The following IQCF1 variants were observed in gnomAD, a reference collection of about 807,000 sequenced individuals.
IQCF1 encodes IQ domain-containing protein F1.
A neutral mutation model predicts 12.5 loss-of-function variants in IQCF1; 9 were observed. The observed-to-expected ratio is 0.72, with a 90% CI of 0.43 to 1.26. The LOEUF (loss-of-function observed/expected upper bound fraction) is 1.26, where lower values mean the gene tolerates loss of function less well. Ranked by LOEUF, IQCF1 falls within the 50% of genes most tolerant of loss-of-function variation. IQCF1 has a pLI of 0.00. For missense variants in IQCF1, 252 were observed against 257.4 expected (o/e 0.98, Z 0.14); for synonymous variants, 67 against 96.2 (o/e 0.70, Z 1.78).
intron 2 of IQCF1, among the ~76,000 whole-genome samples, chr3:51,897,647 A>T (rs1196839788): frequency 6.6e-6 from 1 of 152,204 alleles, no homozygotes; most frequent in Non-Finnish European, 1.5e-5. Flanking sequence ...CTGCGGCAAC[A>T]ACTCTGTGCA....
intron 2 of IQCF1, among the ~76,000 whole-genome samples, chr3:51,898,230 A>C (rs931884287): frequency 3.0e-5 from 4 of 135,244 alleles, no homozygotes. Flanking sequence ...GAGAGAGAGA[A>C]AGAGACAGAA....
intron 1 of IQCF1, 32 bp from the exon 2 acceptor site, chr3:51,903,121 G>A: frequency 6.2e-7 from 1 of 1,607,492 alleles, no homozygotes; most frequent in African/African-American, 1.3e-5. Flanking sequence ...AGGCAAGAGT[G>A]AGGCTGCGGT....
intron 2 of IQCF1, among the ~76,000 whole-genome samples, chr3:51,899,833 T>G (rs1457617209): frequency 6.6e-6 from 1 of 152,132 alleles, no homozygotes; most frequent in Non-Finnish European, 1.5e-5. Flanking sequence ...ATAACACACT[T>G]AATATAAAGG....
In IQCF1 at chr3:51,900,790, C is replaced by T. The variant is rs1043654910; in HGVS notation, c.108+2195G>A. Among the ~76,000 whole-genome samples, 1 of 152,238 alleles carries T rather than the reference C, an allele frequency of 6.6e-6. No individual in the cohort carries two copies. On this transcript the variant is annotated intron_variant, in intron 2 of 3. Coordinates refer to ENST00000310914, the MANE Select transcript of IQCF1 (RefSeq NM_152397.3). This position sits in a 1 kb window ranked among gnomAD's most constrained non-coding sequence, Gnocchi z 4.2. ...CCACTAACTGTCAGCTAAACCAGTGCAATCCTATACAGGTTATTACCTTGA... is the reference window on the plus strand; with the variant it reads ...CCACTAACTGTCAGCTAAACCAGTGTAATCCTATACAGGTTATTACCTTGA...
At position 51,900,206 on chromosome 3, in the gene IQCF1, T is replaced by TGCTG. The variant is rs1472872660; in HGVS notation, c.108+2775_108+2778dup. 2.1e-5 allele frequency among the ~76,000 whole-genome samples: 3 copies of TGCTG among 140,994 alleles called. No homozygotes were observed. In the East Asian group the frequency reaches 6.4e-4, roughly 30 times the overall value. 92.5% of individuals were successfully genotyped at this position (140,994 alleles called of 152,430 possible). On this transcript the variant is annotated intron_variant, in intron 2 of 3. Transcript: ENST00000310914. The surrounding 1 kb of genome is among the most constrained non-coding windows in gnomAD (Gnocchi z 4.2). ...CCAGCCTGGCAAGGACTCTACCCTG[T>TGCTG]GCTGCTAACCACCGAGACTGCTGTT...
At chr3:51,899,047 T>TA (rs1333362403) in intron 2 of IQCF1, among the ~76,000 whole-genome samples, 1 of 152,190 alleles carries the variant, frequency 6.6e-6, no homozygotes, top group East Asian at 1.9e-4. Context: ...ATCCCAAACT[T>TA]ACAAGGTTTT....
chr3:51,897,981 C>T (rs1486508911), intron 2 of IQCF1, among the ~76,000 whole-genome samples: 1 of 152,118 alleles, frequency 6.6e-6, no homozygotes, highest in Non-Finnish European at 1.5e-5. Flanking sequence ...GTCGAGCCTT[C>T]TACAAATTTC....
At chr3:51,896,699 ACACACACACACACG>A (rs1699007375) in intron 3 of IQCF1, 119 bp downstream of exon 3, 4 of 662,242 alleles carry the variant, frequency 6.0e-6, no homozygotes, top group Non-Finnish European at 1.1e-5. Context: ...ACGCGCGCAC[ACACACACACACACG>A]CACACACACA....
chr3:51,896,820 G>T lies in IQCF1; in HGVS notation c.171+12C>A. ...CCCCAGCCCCAGCCCTGTGTGGTTT[G>T]GGAGGTCATACTTTTTCTGATTTCT... On this transcript the variant is annotated intron_variant, in intron 3 of 3. Transcript: ENST00000310914. 6.2e-7 allele frequency: 1 copy of T among 1,602,352 alleles called. No homozygotes were observed. Among genetic ancestry groups the T allele is most frequent in the East Asian group, 2.2e-5 (1 of 44,832 alleles).
chr3:51,898,366 C>G (rs543112354), intron 2 of IQCF1, among the ~76,000 whole-genome samples: 35 of 152,292 alleles, frequency 2.3e-4, no homozygotes, highest in African/African-American at 8.2e-4. Flanking sequence ...AAGGTCTTCT[C>G]CGGGACCCTA....
chr3:51,902,099 G>A (rs1262518498), intron 2 of IQCF1, among the ~76,000 whole-genome samples: 2 of 152,164 alleles, frequency 1.3e-5, no homozygotes, highest in Non-Finnish European at 1.5e-5. Context: ...TAGAAAAGTG[G>A]TTCAGTAAAT....
chr3:51,903,289 G>T lies in IQCF1; in HGVS notation c.-17C>A. On this transcript the variant is annotated 5_prime_UTR_variant, in exon 1 of 4. Coordinates refer to ENST00000310914, the MANE Select transcript of IQCF1 (RefSeq NM_152397.3). ...TCTTACCATTGGTCACATATGGATT[G>T]ATTGTAGATGGTTCAAATCCCCTCA... is the stretch of plus-strand genomic sequence containing the variant. 1 of 1,613,840 alleles carries T rather than the reference G, an allele frequency of 6.2e-7. No individual in the cohort carries two copies. The highest frequency in any genetic ancestry group is 1.1e-5 in the South Asian group (1 of 91,070).
intron 3 of IQCF1, among the ~76,000 whole-genome samples, chr3:51,896,441 TG>T (rs2106640128): frequency 6.6e-6 from 1 of 152,302 alleles, no homozygotes; most frequent in Admixed American, 6.5e-5. Context: ...TGGACCACCT[TG>T]GGCACATGTT....
Position 51,903,044 on chromosome 3 carries a change from C to T in IQCF1, c.49G>A (p.Glu17Lys). 2 of 1,614,174 alleles carry T rather than the reference C, an allele frequency of 1.2e-6. No homozygotes were observed. Among genetic ancestry groups the T allele is most frequent in the Non-Finnish European group, 8.5e-7 (1 of 1,180,026 alleles). ...GTTGGCATCTCCTTCTGCTGAGGCT[C>T]ATCTTCTTTTGAGGGTTCCTTCGTC... ...QKTKEPSKED[E>K]PQQKEMPTHL... Residue 17 changes from glutamate (E) to lysine (K), a missense_variant, in exon 2 of 4, where the codon GAG becomes AAG. By Grantham distance (56) the Glu-to-Lys change is moderately conservative (BLOSUM62 1). Transcript: ENST00000310914.
chr3:51,902,444 C>T (rs1408252987), intron 2 of IQCF1, among the ~76,000 whole-genome samples: 1 of 152,222 alleles, frequency 6.6e-6, no homozygotes, highest in Non-Finnish European at 1.5e-5. Flanking sequence ...TTGCCTTCTA[C>T]TTTTAAACTT....
intron 3 of IQCF1, 104 bp downstream of exon 3, chr3:51,896,728 C>T (rs1372747333): frequency 1.2e-6 from 1 of 861,498 alleles, no homozygotes; most frequent in Admixed American, 1.7e-5. Flanking sequence ...CACACACACA[C>T]ATACTTCTAA....
rs1698996387 is a variant in IQCF1 at position 51,895,814 on chromosome 3, G to A, written c.172-478C>T. On this transcript the variant is annotated intron_variant, in intron 3 of 3. Coordinates refer to ENST00000310914, the MANE Select transcript of IQCF1 (RefSeq NM_152397.3). The surrounding 1 kb of genome is among the most constrained non-coding windows in gnomAD (Gnocchi z 4.8). ...CTGTCATGTCTGAAGACTAAACCCTGATTTTTTCTATGTTGCCCAAATTCC... is the reference window on the plus strand; with the variant it reads ...CTGTCATGTCTGAAGACTAAACCCTAATTTTTTCTATGTTGCCCAAATTCC... 6.6e-6 allele frequency among the ~76,000 whole-genome samples: 1 copy of A among 152,102 alleles called. No homozygotes were observed. The highest frequency in any genetic ancestry group is 2.1e-4 in the South Asian group (1 of 4,830).
Position 51,895,030 on chromosome 3 carries a change from A to C in IQCF1, c.478T>G (p.Cys160Gly). The change falls in exon 4 of 4, where the codon TGC (cysteine) becomes GGC (glycine). Residue 160 changes from cysteine (C) to glycine (G), a missense_variant. By Grantham distance (159) the Cys-to-Gly change is radical. Coordinates refer to ENST00000310914, the MANE Select transcript of IQCF1 (RefSeq NM_152397.3). This position sits in a 1 kb window ranked among gnomAD's most constrained non-coding sequence, Gnocchi z 4.8. ...AVRIIQAYWR[C>G]RSCASRGFIK... ...AACCCCCGGGAAGCACAGGAGCGGC[A>C]CCTCCAGTAAGCCTGGATGATGCGA... is the stretch of plus-strand genomic sequence containing the variant. The C allele has an allele frequency of 6.2e-7, 1 of 1,614,162 alleles. No homozygotes were observed. Among genetic ancestry groups the C allele is most frequent in the Non-Finnish European group, 8.5e-7 (1 of 1,180,028 alleles).
Position 51,902,978 on chromosome 3 carries a change from C to G in IQCF1, c.108+7G>C, listed in dbSNP as rs367980073. ...ATCAATGACATCCAAGTCAGGGCTCCTCCTACCTCTGCCTTTGACTCTGCT... is the reference window on the plus strand; with the variant it reads ...ATCAATGACATCCAAGTCAGGGCTCGTCCTACCTCTGCCTTTGACTCTGCT... On this transcript the variant is annotated splice_region_variant and intron_variant, in intron 2 of 3. Transcript: ENST00000310914. 6.2e-7 allele frequency: 1 copy of G among 1,605,652 alleles called. No individual in the cohort carries two copies. The highest frequency in any genetic ancestry group is 8.5e-7 in the Non-Finnish European group (1 of 1,172,336).
Sources: allele counts gnomAD v4.1 joint callset (sites outside exome capture counted in the v4.1 genomes callset), GRCh38; gene constraint gnomAD v4.1.1; non-coding constraint Gnocchi (gnomAD v3.1); transcripts MANE v1.5; gene names NCBI Gene and HGNC (gene_info 2026-07-23, HGNC 2026-07-21).